The following DNAH9 variants were observed in gnomAD, a reference collection of about 807,000 sequenced individuals.
DNAH9 encodes the protein dynein axonemal heavy chain 9.
A neutral mutation model predicts 471.6 loss-of-function variants in DNAH9; 345 were observed. That is an observed-to-expected ratio of 0.73 (90% CI 0.67 to 0.80). The LOEUF (loss-of-function observed/expected upper bound fraction) is 0.80, where lower values mean the gene tolerates loss of function less well. Among genes scored for constraint, DNAH9 ranks in the 30% least tolerant of loss-of-function variants. The probability of loss-of-function intolerance (pLI) is 0.00; values close to 1 mark genes in which losing one functional copy is unlikely to be tolerated. For synonymous variants in DNAH9, 2,093 were observed against 2,123.6 expected, an observed-to-expected ratio of 0.99 and a Z score of 0.40; for missense variants, 5,407 against 5,609.2, an observed-to-expected ratio of 0.96 and a Z score of 1.15.
rs1296437973 is a variant in DNAH9 at position 11,834,830 on chromosome 17, G to C, written c.9439G>C (p.Glu3147Gln). ...LEVKQKQKDC[E>Q]EDLAKAEPAL... is the part of the protein sequence containing the mutation. ...GGTGAAACAGAAGCAGAAGGACTGTGAGGAGGACCTGGCAAAGGCTGAGCC... is the reference window on the plus strand; with the variant it reads ...GGTGAAACAGAAGCAGAAGGACTGTCAGGAGGACCTGGCAAAGGCTGAGCC... The change falls in exon 49 of 69, where the codon GAG becomes CAG. Residue 3147 changes from glutamate to glutamine, a missense_variant. Physicochemically the swap from Glu to Gln is conservative, Grantham distance 29. Transcript: ENST00000262442. 1 of 1,614,046 alleles carries C rather than the reference G, an allele frequency of 6.2e-7. No homozygotes were observed.
chr17:11,766,770 C>A (rs1277297565), intron 36 of DNAH9, among the ~76,000 whole-genome samples: 1 of 152,142 alleles, frequency 6.6e-6, no homozygotes, highest in Non-Finnish European at 1.5e-5. Flanking sequence ...CAAGACCAGC[C>A]TGGACAATAT....
At chr17:11,963,181 T>C (rs543748631) in intron 68 of DNAH9, among the ~76,000 whole-genome samples, 1 of 152,200 alleles carries the variant, frequency 6.6e-6, no homozygotes, top group East Asian at 1.9e-4. Context: ...ACACCTGTAA[T>C]CCCAGCACTT....
At chr17:11,774,464 A>G (rs558770317) in intron 38 of DNAH9, among the ~76,000 whole-genome samples, 81 of 152,308 alleles carry the variant, frequency 5.3e-4, no homozygotes, top group South Asian at 1.0e-3. Context: ...CCTCACAGTC[A>G]TGGTGGAAGG....
At chr17:11,840,881 C>T (rs1426637161) in intron 49 of DNAH9, among the ~76,000 whole-genome samples, 1 of 152,198 alleles carries the variant, frequency 6.6e-6, no homozygotes, top group Non-Finnish European at 1.5e-5. Context: ...GGAATCAGCC[C>T]TCCCAACCCC....
At chr17:11,878,923 T>C (rs1251431570) in intron 53 of DNAH9, among the ~76,000 whole-genome samples, 2 of 152,224 alleles carry the variant, frequency 1.3e-5, no homozygotes, top group African/African-American at 4.8e-5. Context: ...AATTTAAATA[T>C]AGTTTAAGCT....
At position 11,937,164 on chromosome 17, in the gene DNAH9, C is replaced by T. The variant is rs1366832541; in HGVS notation, c.12490-188C>T. On this transcript the variant is annotated intron_variant, in intron 65 of 68. Coordinates refer to ENST00000262442, the MANE Select transcript of DNAH9 (RefSeq NM_001372.4). This position sits in a 1 kb window ranked among gnomAD's most constrained non-coding sequence, Gnocchi z 4.1. ...GGAAGTTTTGGGAAACGGGTCCAGCCGACAAAAATGGATGATGTCAAGGTG... is the reference window on the plus strand; with the variant it reads ...GGAAGTTTTGGGAAACGGGTCCAGCTGACAAAAATGGATGATGTCAAGGTG... Among the ~76,000 whole-genome samples the T allele has an allele frequency of 2.0e-5, 3 of 151,940 alleles. No homozygotes were observed. The highest frequency in any genetic ancestry group is 2.9e-5 in the Non-Finnish European group (2 of 67,998).
At position 11,815,416 on chromosome 17, in the gene DNAH9, C is replaced by T. The variant is rs190576608; in HGVS notation, c.8707+5047C>T. On this transcript the variant is annotated intron_variant, in intron 45 of 68. Transcript: ENST00000262442. Reference sequence around the variant, plus strand: ...TTTTGCCTTGACAAACGCCAACACTCCTTAACTTATCTCTCTACTTCCCAT... The same window carrying T: ...TTTTGCCTTGACAAACGCCAACACTTCTTAACTTATCTCTCTACTTCCCAT... 2.2e-4 allele frequency among the ~76,000 whole-genome samples: 33 copies of T among 152,276 alleles called. No individual in the cohort carries two copies. In the East Asian group the frequency reaches 5.8e-3, roughly 27 times the overall value.
chr17:11,825,487 T>C (rs1003411580), intron 48 of DNAH9, among the ~76,000 whole-genome samples: 3 of 152,214 alleles, frequency 2.0e-5, no homozygotes, highest in Non-Finnish European at 4.4e-5. Context: ...GAACCCAGTA[T>C]TCTATTTTGT....
At chr17:11,845,927 G>A (rs1371656858) in intron 49 of DNAH9, among the ~76,000 whole-genome samples, 2 of 149,620 alleles carry the variant, frequency 1.3e-5, no homozygotes, top group East Asian at 2.0e-4. Flanking sequence ...AGTAGGTTGT[G>A]AAAATTTTCT....
intron 18 of DNAH9, among the ~76,000 whole-genome samples, 153 bp from the exon 19 acceptor site, chr17:11,680,570 G>T (rs1259292635): frequency 3.3e-5 from 5 of 152,118 alleles, no homozygotes; most frequent in Admixed American, 1.3e-4. Flanking sequence ...AGAGTGGGTG[G>T]AGGGCAGATT....
chr17:11,878,094 C>T (rs146188798), intron 53 of DNAH9, among the ~76,000 whole-genome samples: 34 of 152,210 alleles, frequency 2.2e-4, no homozygotes, highest in African/African-American at 7.0e-4. Flanking sequence ...GGCCTTCTCC[C>T]GAAACTTTAA....
At chr17:11,821,883 T>A in intron 45 of DNAH9, 37 bp from the exon 46 acceptor site, 1 of 1,591,568 alleles carries the variant, frequency 6.3e-7, no homozygotes, top group African/African-American at 1.4e-5. Context: ...TTTAACGAGA[T>A]GCCAAGGCTG....
intron 61 of DNAH9, among the ~76,000 whole-genome samples, chr17:11,920,648 G>A (rs1347686814): frequency 2.0e-5 from 3 of 147,878 alleles, no homozygotes; most frequent in African/African-American, 7.5e-5. Context: ...AAAGAAAAAA[G>A]AAAGAAAGAT....
In DNAH9 at chr17:11,902,925, G is replaced by A. The variant is rs1339945122; in HGVS notation, c.11600+13G>A. 2.5e-6 allele frequency: 4 copies of A among 1,609,902 alleles called. No individual in the cohort carries two copies. The highest frequency in any genetic ancestry group is 2.5e-6 in the Non-Finnish European group (3 of 1,178,544). On this transcript the variant is annotated intron_variant, in intron 60 of 68. Coordinates refer to ENST00000262442, the MANE Select transcript of DNAH9 (RefSeq NM_001372.4). ...CCTATGCTTTGCGGTAGGAAACAGG[G>A]TGGTGGAAGGCCCAGCATAGGCATG...
At chr17:11,741,307 C>G (rs74679015) in intron 29 of DNAH9, among the ~76,000 whole-genome samples, 234 of 152,176 alleles carry the variant, frequency 1.5e-3, no homozygotes, top group African/African-American at 5.5e-3. Flanking sequence ...GAAAAAAATA[C>G]AACAAAGCCT....
chr17:11,841,294 G>A (rs536954884), intron 49 of DNAH9, among the ~76,000 whole-genome samples: 6 of 152,316 alleles, frequency 3.9e-5, no homozygotes, highest in South Asian at 2.1e-4. Context: ...ACAGAGCCAC[G>A]AGAAAAATGT....
rs992727117 is a variant in DNAH9 at position 11,719,673 on chromosome 17, G to T, written c.5709+183G>T. Among the ~76,000 whole-genome samples, 8 of 152,118 alleles carry T rather than the reference G, an allele frequency of 5.3e-5. No individual in the cohort carries two copies. In the East Asian group the frequency reaches 1.6e-3, roughly 30 times the overall value. On this transcript the variant is annotated intron_variant, in intron 27 of 68. Transcript: ENST00000262442. ...GACGTTTGAACCCTGGAGTTTTTTGGCCTCCCTATAAGGCTTTCATGTGAT... is the reference window on the plus strand; with the variant it reads ...GACGTTTGAACCCTGGAGTTTTTTGTCCTCCCTATAAGGCTTTCATGTGAT...
chr17:11,922,700 A>C (rs113263731), intron 61 of DNAH9, among the ~76,000 whole-genome samples: 24 of 152,358 alleles, frequency 1.6e-4, no homozygotes, highest in African/African-American at 5.8e-4. Context: ...TAATTCGTGC[A>C]AAATGATGAG....
chr17:11,742,319 A>C lies in DNAH9; in HGVS notation c.6111+6A>C. The C allele has an allele frequency of 6.2e-7, 1 of 1,614,042 alleles. No homozygotes were observed. Among genetic ancestry groups the C allele is most frequent in the Non-Finnish European group, 8.5e-7 (1 of 1,179,930 alleles). On this transcript the variant is annotated splice_donor_region_variant and intron_variant, in intron 30 of 68. Transcript: ENST00000262442. ...AAGAGCTTCTCTCCAAACAGGTAGG[A>C]TCTCTAGGGAGGCTGTACAACCAAG...
Sources: allele counts gnomAD v4.1 joint callset (sites outside exome capture counted in the v4.1 genomes callset), GRCh38; gene constraint gnomAD v4.1.1; non-coding constraint Gnocchi (gnomAD v3.1); transcripts MANE v1.5; gene names NCBI Gene and HGNC (gene_info 2026-07-23, HGNC 2026-07-21).